Variants in ATP2C2 observed in about 807,000 individuals in gnomAD.
The protein encoded by ATP2C2 is calcium-transporting ATPase type 2C member 2.
ATP2C2 carries 171 observed loss-of-function variants against 110.8 expected under a neutral mutation model. That is an observed-to-expected ratio of 1.54 (90% CI 1.36 to 1.75). The LOEUF is 1.75. Among genes scored for constraint, ATP2C2 ranks in the 40% most tolerant of loss-of-function variants. The probability of loss-of-function intolerance (pLI) is 0.00; values close to 1 mark genes in which losing one functional copy is unlikely to be tolerated. For missense variants in ATP2C2, 1,963 were observed against 1,235.0 expected (o/e 1.59, Z -8.84); for synonymous variants, 804 against 508.4 (o/e 1.58, Z -7.82).
intron 2 of ATP2C2, among the ~76,000 whole-genome samples, chr16:84,400,649 C>T (rs1905263404): frequency 6.6e-6 from 1 of 152,100 alleles, no homozygotes; most frequent in African/African-American, 2.4e-5. Flanking sequence ...TTTGAGGAAC[C>T]CTCCAAACTG....
intron 16 of ATP2C2, among the ~76,000 whole-genome samples, chr16:84,447,758 C>A (rs11861892): frequency 7.2e-6 from 1 of 139,668 alleles, no homozygotes; most frequent in Non-Finnish European, 1.5e-5. Flanking sequence ...ATATAATATA[C>A]ATATAAATAA....
intron 2 of ATP2C2, among the ~76,000 whole-genome samples, chr16:84,399,988 A>G (rs1905220481): frequency 6.6e-6 from 1 of 151,866 alleles, no homozygotes; most frequent in African/African-American, 2.4e-5. Flanking sequence ...GCTTCCACTA[A>G]TCAGCGAGAA....
chr16:84,412,364 A>G (rs1202793844), intron 6 of ATP2C2, among the ~76,000 whole-genome samples: 4 of 77,982 alleles, frequency 5.1e-5, no homozygotes, highest in African/African-American at 1.9e-4. Context: ...GCGTGTGTGC[A>G]TGTGTGTGTG....
At position 84,423,274 on chromosome 16, in the gene ATP2C2, C is replaced by G; in HGVS notation, c.919+11C>G. The G allele has an allele frequency of 6.2e-7, 1 of 1,611,784 alleles. No homozygotes were observed. Among genetic ancestry groups the G allele is most frequent in the Non-Finnish European group, 8.5e-7 (1 of 1,177,900 alleles). The stretch of plus-strand genomic sequence containing the variant: ...CCTTTGGCATAATCGGTGAGTGAAG[C>G]AGTTTCCATACTGGGTTTGTTCTGC... On this transcript the variant is annotated intron_variant, in intron 10 of 26. Transcript: ENST00000262429.
Position 84,410,548 on chromosome 16 carries a change from C to G in ATP2C2, c.418-20C>G. ...CCACTGAGCCTCTGGTACTGACACC[C>G]TCCTCCGTTTGCTGTCTAGGCAGTG... On this transcript the variant is annotated intron_variant, in intron 4 of 26. Transcript: ENST00000262429. The G allele has an allele frequency of 1.9e-6, 3 of 1,613,410 alleles. No individual in the cohort carries two copies. The highest frequency in any genetic ancestry group is 2.5e-6 in the Non-Finnish European group (3 of 1,179,682).
In ATP2C2 at chr16:84,415,484, C is replaced by T; in HGVS notation, c.517C>T (p.Leu173=). 6.2e-7 allele frequency: 1 copy of T among 1,614,054 alleles called. No homozygotes were observed. Among genetic ancestry groups the T allele is most frequent in the Non-Finnish European group, 8.5e-7 (1 of 1,179,932 alleles). The change falls in exon 7 of 27, where the codon CTA becomes TTA. Residue 173 remains leucine (L), a splice_region_variant and synonymous_variant. Coordinates refer to ENST00000262429, the MANE Select transcript of ATP2C2 (RefSeq NM_014861.4). Reference sequence around the variant, plus strand: ...TGCTTTTTACCATGTCAAATGCAGCCTAAGAGAAGGAAAACTCCAGCACCT... The same window carrying T: ...TGCTTTTTACCATGTCAAATGCAGCTTAAGAGAAGGAAAACTCCAGCACCT... ...TKLVPPECNC[L]REGKLQHLLA... is the part of the protein sequence containing the mutation.
intron 3 of ATP2C2, among the ~76,000 whole-genome samples, chr16:84,405,920 CACA>C (rs1378838148): frequency 4.6e-5 from 7 of 151,850 alleles, no homozygotes; most frequent in Non-Finnish European, 8.8e-5. Flanking sequence ...ACCTTGTCTC[CACA>C]ACAACAACAA....
chr16:84,387,827 C>A (rs182109190), intron 1 of ATP2C2, among the ~76,000 whole-genome samples: 1 of 152,234 alleles, frequency 6.6e-6, no homozygotes, highest in East Asian at 1.9e-4. Context: ...TGGCTGATGC[C>A]TGTAATCCCA....
At chr16:84,380,843 T>C (rs566630040) in intron 1 of ATP2C2, among the ~76,000 whole-genome samples, 1 of 152,330 alleles carries the variant, frequency 6.6e-6, no homozygotes, top group East Asian at 1.9e-4. Flanking sequence ...CTGATCATGG[T>C]GATTTTTATT....
chr16:84,419,525 C>G (rs1215288431), intron 7 of ATP2C2, among the ~76,000 whole-genome samples: 1 of 152,206 alleles, frequency 6.6e-6, no homozygotes, highest in African/African-American at 2.4e-5. Flanking sequence ...GTCACCACAT[C>G]AGAGAACACA....
chr16:84,458,992 G>A, intron 21 of ATP2C2, 128 bp from the exon 22 acceptor site: 1 of 1,003,508 alleles, frequency 1.0e-6, no homozygotes, highest in South Asian at 1.4e-5. Flanking sequence ...GCCAGCAAGG[G>A]GAACCAGCAG....
At chr16:84,440,771 G>A in intron 13 of ATP2C2, 86 bp from the exon 14 acceptor site, 1 of 972,186 alleles carries the variant, frequency 1.0e-6, no homozygotes, top group Non-Finnish European at 1.6e-6. Context: ...TCCCTGGAAT[G>A]GATCCCCAGG....
At chr16:84,409,848 T>C (rs173547) in intron 4 of ATP2C2, among the ~76,000 whole-genome samples, 74,132 of 151,854 alleles carry the variant, frequency 0.49, 19,676 homozygotes, top group South Asian at 0.68. Context: ...TTCCGTTTGT[T>C]CCAGCCGGTA....
intron 11 of ATP2C2, among the ~76,000 whole-genome samples, chr16:84,427,265 A>G (rs72806608): frequency 0.2 from 31,062 of 152,146 alleles, 3,482 homozygotes; most frequent in Non-Finnish European, 0.26. Flanking sequence ...CAGCTCATTA[A>G]AGAATAAACA....
chr16:84,402,959 T>A (rs1905435275), intron 2 of ATP2C2, among the ~76,000 whole-genome samples: 1 of 152,176 alleles, frequency 6.6e-6, no homozygotes, highest in African/African-American at 2.4e-5. Context: ...TTGATCTTAT[T>A]ACTTGTTATT....
At position 84,446,378 on chromosome 16, in the gene ATP2C2, C is replaced by T. The variant is rs1909749419; in HGVS notation, c.1451C>T (p.Pro484Leu). The T allele has an allele frequency of 1.2e-6, 2 of 1,603,322 alleles. No homozygotes were observed. The highest frequency in any genetic ancestry group is 1.7e-5 in the Admixed American group (1 of 58,302). Residue 484 changes from proline to leucine, a missense_variant, in exon 16 of 27, where the codon CCA becomes CTA. Transcript: ENST00000262429. ...KNSYIRKKEI[P>L]FSSEQKWMAV... ...TCATATATAAGAAAAAAAGAGATTCCATTCAGTTCAGAGCAGAAGTGGATG... is the reference window on the plus strand; with the variant it reads ...TCATATATAAGAAAAAAAGAGATTCTATTCAGTTCAGAGCAGAAGTGGATG...
intron 1 of ATP2C2, among the ~76,000 whole-genome samples, chr16:84,388,709 C>G (rs113206677): frequency 1.3e-5 from 2 of 152,286 alleles, no homozygotes; most frequent in African/African-American, 4.8e-5. Context: ...TGATTCTCTC[C>G]AAAGGCATCG....
chr16:84,446,627 A>G lies in ATP2C2; in HGVS notation c.1503+197A>G, dbSNP rs188031192. Among the ~76,000 whole-genome samples, 6 of 152,300 alleles carry G rather than the reference A, an allele frequency of 3.9e-5. No individual in the cohort carries two copies. The East Asian group carries it at 1.2e-3, about 29-fold the overall frequency. Reference sequence around the variant, plus strand: ...CTTCTGGCTTTTTGTTTAAAACAGAAGTTCTTAAAGCAGGGTCCCTGGAGT... The same window carrying G: ...CTTCTGGCTTTTTGTTTAAAACAGAGGTTCTTAAAGCAGGGTCCCTGGAGT... On this transcript the variant is annotated intron_variant, in intron 16 of 26. Coordinates refer to ENST00000262429, the MANE Select transcript of ATP2C2 (RefSeq NM_014861.4).
chr16:84,441,572 C>T (rs889480666), intron 14 of ATP2C2, among the ~76,000 whole-genome samples: 2 of 152,172 alleles, frequency 1.3e-5, no homozygotes, highest in East Asian at 3.9e-4. Context: ...AAGGACCTGC[C>T]TCCAGGGGCC....
Sources: allele counts gnomAD v4.1 joint callset (sites outside exome capture counted in the v4.1 genomes callset), GRCh38; gene constraint gnomAD v4.1.1; transcripts MANE v1.5; gene names NCBI Gene and HGNC (gene_info 2026-07-23, HGNC 2026-07-21).